MTUS2: variants seen among roughly 807,000 people sequenced by gnomAD.
MTUS2 encodes the protein microtubule-associated tumor suppressor candidate 2.
In MTUS2, 40 loss-of-function variants were observed where a neutral mutation model predicts 114.1. The observed-to-expected ratio is 0.35, with a 90% confidence interval of 0.27 to 0.46. The LOEUF (loss-of-function observed/expected upper bound fraction) is 0.46, where lower values mean the gene tolerates loss of function less well. Ranked by LOEUF, MTUS2 falls within the 20% of genes least tolerant of loss-of-function variation. MTUS2 has a pLI of 1.00. For missense variants in MTUS2, 1,679 were observed against 1,705.4 expected (o/e 0.98, Z 0.27); for synonymous variants, 688 against 672.0 (o/e 1.02, Z -0.37).
At chr13:28,959,166 A>G (rs566086566) in intron 2 of MTUS2, among the ~76,000 whole-genome samples, 1 of 152,362 alleles carries the variant, frequency 6.6e-6, no homozygotes, top group South Asian at 2.1e-4. Context: ...TTCTCTAGCC[A>G]GAAGACCAGG....
chr13:29,443,649 G>A (rs541011353), intron 9 of MTUS2, among the ~76,000 whole-genome samples: 4 of 152,310 alleles, frequency 2.6e-5, no homozygotes, highest in Admixed American at 1.3e-4. Context: ...GAAGAAAGAC[G>A]GAGGGGAATG....
intron 2 of MTUS2, among the ~76,000 whole-genome samples, chr13:28,924,288 T>C (rs1336110895): frequency 1.3e-5 from 2 of 152,212 alleles, no homozygotes; most frequent in Non-Finnish European, 2.9e-5. Context: ...TTTATAGTTG[T>C]ACTTAGCATG....
chr13:28,893,856 A>G (rs1879072453), intron 2 of MTUS2, among the ~76,000 whole-genome samples: 1 of 152,148 alleles, frequency 6.6e-6, no homozygotes, highest in South Asian at 2.1e-4. Flanking sequence ...CAGATTTGCA[A>G]ATTTTTATGA....
At chr13:29,326,862 C>T (rs916870908) in intron 7 of MTUS2, among the ~76,000 whole-genome samples, 1 of 152,040 alleles carries the variant, frequency 6.6e-6, no homozygotes, top group African/African-American at 2.4e-5. Flanking sequence ...TGCCTGTAGT[C>T]CCAGCTACTT....
intron 2 of MTUS2, among the ~76,000 whole-genome samples, chr13:28,874,965 C>G (rs1414971454): frequency 6.6e-6 from 1 of 152,198 alleles, no homozygotes; most frequent in African/African-American, 2.4e-5. Context: ...CATATTCTTA[C>G]CACAGTTGTA....
At chr13:29,189,209 G>A (rs1332343542) in intron 5 of MTUS2, among the ~76,000 whole-genome samples, 3 of 152,166 alleles carry the variant, frequency 2.0e-5, no homozygotes, top group Non-Finnish European at 4.4e-5. Context: ...AGGAGGAGAG[G>A]GAAGAGAATA....
At chr13:29,256,342 T>C (rs959206894) in intron 5 of MTUS2, among the ~76,000 whole-genome samples, 4 of 152,184 alleles carry the variant, frequency 2.6e-5, no homozygotes, top group African/African-American at 7.2e-5. Flanking sequence ...TGGGCTGGCT[T>C]ATCAGGGAAG....
chr13:28,820,219 G>C (rs550759986), upstream of MTUS2: 1 of 146,966 alleles, frequency 6.8e-6, no homozygotes, highest in Non-Finnish European at 1.5e-5. Context: ...CGTGCGGGCG[G>C]CTCCGGTCCC....
chr13:29,391,757 G>A (rs539499635), intron 8 of MTUS2, among the ~76,000 whole-genome samples: 3 of 151,900 alleles, frequency 2.0e-5, no homozygotes, highest in African/African-American at 7.2e-5. Flanking sequence ...TAAAAGCTAC[G>A]ATTTTAATCA....
intron 2 of MTUS2, among the ~76,000 whole-genome samples, chr13:28,905,339 C>A (rs1207327158): frequency 1.3e-5 from 2 of 151,476 alleles, no homozygotes; most frequent in Non-Finnish European, 2.9e-5. Context: ...TGCCTCTTTT[C>A]GAAGGGAATG....
At chr13:29,393,843 G>A (rs374291694) in intron 8 of MTUS2, among the ~76,000 whole-genome samples, 50 of 152,290 alleles carry the variant, frequency 3.3e-4, no homozygotes, top group African/African-American at 1.0e-3. Context: ...GGGACAACTC[G>A]AAGTCGGGAG....
intron 2 of MTUS2, among the ~76,000 whole-genome samples, chr13:28,979,913 T>C (rs1288416796): frequency 1.3e-5 from 2 of 152,332 alleles, no homozygotes; most frequent in East Asian, 3.9e-4. Flanking sequence ...TGATTCAAGT[T>C]ATCAAGAACC....
intron 2 of MTUS2, among the ~76,000 whole-genome samples, chr13:28,913,671 A>G (rs747985667): frequency 6.6e-5 from 10 of 152,040 alleles, no homozygotes; most frequent in Non-Finnish European, 1.3e-4. Context: ...AATTGTTGGG[A>G]ATAGTTTCAG....
intron 5 of MTUS2, among the ~76,000 whole-genome samples, chr13:29,108,645 A>G (rs1205796935): frequency 6.6e-6 from 1 of 152,200 alleles, no homozygotes; most frequent in East Asian, 1.9e-4. Flanking sequence ...AGACAGGATT[A>G]TGCACATAAA....
intron 6 of MTUS2, among the ~76,000 whole-genome samples, chr13:29,292,678 C>T (rs1898766911): frequency 6.6e-6 from 1 of 152,088 alleles, no homozygotes; most frequent in African/African-American, 2.4e-5. Context: ...TTTATTTAAT[C>T]ACTTTCTATT....
chr13:28,837,588 A>G (rs1875180502), intron 1 of MTUS2, among the ~76,000 whole-genome samples: 1 of 152,186 alleles, frequency 6.6e-6, no homozygotes, highest in South Asian at 2.1e-4. Flanking sequence ...GACTTTAGCC[A>G]GTACTCCTTA....
intron 2 of MTUS2, among the ~76,000 whole-genome samples, chr13:28,864,201 G>A (rs1593255112): frequency 6.6e-6 from 1 of 152,078 alleles, no homozygotes; most frequent in African/African-American, 2.4e-5. Context: ...CTACACATTA[G>A]CAAACACAGG....
intron 2 of MTUS2, among the ~76,000 whole-genome samples, chr13:28,991,647 C>T (rs1326671171): frequency 2.0e-5 from 3 of 152,174 alleles, no homozygotes; most frequent in African/African-American, 4.8e-5. Flanking sequence ...GGATTACAGG[C>T]GTGAGCCACC....
At chr13:28,935,521 A>G (rs964894578) in intron 2 of MTUS2, among the ~76,000 whole-genome samples, 2 of 151,806 alleles carry the variant, frequency 1.3e-5, no homozygotes, top group African/African-American at 4.8e-5. Context: ...GAACACATTT[A>G]TAGTTCCATT....
Sources: gnomAD v4.1 joint callset for allele counts (sites outside exome capture counted in the v4.1 genomes callset) on GRCh38, gnomAD v4.1.1 for gene constraint, MANE v1.5 for transcripts, NCBI Gene and HGNC (gene_info 2026-07-23, HGNC 2026-07-21) for gene names.